The following ZNF676 variants were observed in gnomAD, a reference collection of about 807,000 sequenced individuals.
The protein encoded by ZNF676 is zinc finger protein 676.
Under a neutral mutation model 6.0 loss-of-function variants are expected in ZNF676, and 4 were observed. That is an observed-to-expected ratio of 0.67 (90% CI 0.33 to 1.53). The LOEUF is 1.53. Ranked by LOEUF, ZNF676 falls within the 40% of genes most tolerant of loss-of-function variation. The probability of loss-of-function intolerance (pLI) is 0.06; values close to 1 mark genes in which losing one functional copy is unlikely to be tolerated. For missense variants in ZNF676, 644 were observed against 679.7 expected (o/e 0.95, Z 0.58); for synonymous variants, 198 against 223.1 (o/e 0.89, Z 1.00).
the ZNF676 span, chr19:22,244,492 T>C: frequency 6.6e-6 from 1 of 152,220 alleles, no homozygotes; most frequent in Non-Finnish European, 1.5e-5. Context: ...CCAGGATATT[T>C]GTCACAATCC....
chr19:22,230,063 G>A, the ZNF676 span, among the ~76,000 whole-genome samples: 2 of 152,292 alleles, frequency 1.3e-5, no homozygotes, highest in Admixed American at 6.5e-5. Flanking sequence ...GTTTGTTGCA[G>A]CACTATTCAC....
At chr19:22,236,080 G>A in the ZNF676 span, among the ~76,000 whole-genome samples, 24 of 151,708 alleles carry the variant, frequency 1.6e-4, no homozygotes, top group South Asian at 1.5e-3. Context: ...CCACCTTTGC[G>A]TCTTTTTAGT....
chr19:22,203,599 A>ATT (rs111870802), intron 1 of ZNF676: 4 of 147,698 alleles, frequency 2.7e-5, no homozygotes, highest in Non-Finnish European at 4.5e-5. Flanking sequence ...TCTCAGCACA[A>ATT]TTTTTTTTTT....
chr19:22,206,894 C>T (rs968980361), intron 1 of ZNF676, among the ~76,000 whole-genome samples: 13 of 152,080 alleles, frequency 8.5e-5, no homozygotes, highest in African/African-American at 3.1e-4. Flanking sequence ...TAAAATTTAA[C>T]ATTTTTCATG....
In ZNF676 at chr19:22,179,732, G is replaced by A. The variant is rs886294083; in HGVS notation, c.*218C>T. 6 of 756,212 alleles carry A rather than the reference G, an allele frequency of 7.9e-6. No individual in the cohort carries two copies. The highest frequency in any genetic ancestry group is 1.7e-5 in the African/African-American group (1 of 57,556). The allele number at this position is 756,212 out of a possible 1,614,324, so 46.8% of individuals were successfully genotyped here. On this transcript the variant is annotated 3_prime_UTR_variant, in exon 3 of 3. Transcript: ENST00000397121. ...TTCTCTCCAGTATGAATTCTCTTATGTTCCACAAGGTTTGAGGACCGGTTG... is the reference window on the plus strand; with the variant it reads ...TTCTCTCCAGTATGAATTCTCTTATATTCCACAAGGTTTGAGGACCGGTTG...
At chr19:22,208,576 A>G (rs943652057) in intron 1 of ZNF676, among the ~76,000 whole-genome samples, 9 of 152,232 alleles carry the variant, frequency 5.9e-5, no homozygotes, top group African/African-American at 2.2e-4. Context: ...GCACAATCAC[A>G]TTCGTTGCAG....
the ZNF676 span, among the ~76,000 whole-genome samples, chr19:22,250,938 C>A: frequency 2.6e-4 from 40 of 152,258 alleles, no homozygotes; most frequent in East Asian, 6.8e-3. Flanking sequence ...TCTCAAACTT[C>A]TGACCTCAGG....
the ZNF676 span, among the ~76,000 whole-genome samples, chr19:22,259,284 A>G: frequency 6.6e-6 from 1 of 152,150 alleles, no homozygotes; most frequent in South Asian, 2.1e-4. Flanking sequence ...GGAAGAAGAG[A>G]AGAGTCACAT....
intron 1 of ZNF676, among the ~76,000 whole-genome samples, chr19:22,207,836 A>G (rs2024091052): frequency 6.6e-6 from 1 of 152,214 alleles, no homozygotes; most frequent in South Asian, 2.1e-4. Context: ...GACAACAGGA[A>G]TGTGGGAAGA....
chr19:22,187,220 G>C (rs747028324), intron 2 of ZNF676, among the ~76,000 whole-genome samples: 2 of 151,968 alleles, frequency 1.3e-5, no homozygotes, highest in Non-Finnish European at 2.9e-5. Flanking sequence ...AGAAACTCAC[G>C]CAAAACCGTA....
At chr19:22,215,466 GGCCCGCGCAGCC>G (rs2024174884) in intron 1 of ZNF676, among the ~76,000 whole-genome samples, 1 of 152,160 alleles carries the variant, frequency 6.6e-6, no homozygotes, top group African/African-American at 2.4e-5. Context: ...GACGCCCGGC[GGCCCGCGCAGCC>G]GCCATCTTAT....
the ZNF676 span, among the ~76,000 whole-genome samples, chr19:22,223,049 C>T: frequency 6.6e-6 from 1 of 152,048 alleles, no homozygotes; most frequent in Admixed American, 6.6e-5. Context: ...TGTATGGCTA[C>T]AAATGGGTGT....
intron 1 of ZNF676, among the ~76,000 whole-genome samples, chr19:22,209,458 C>A (rs1383077218): frequency 6.6e-6 from 1 of 151,546 alleles, no homozygotes; most frequent in Non-Finnish European, 1.5e-5. Context: ...TAAATAAGAA[C>A]ACATGAACAC....
Position 22,180,115 on chromosome 19 carries a change from T to G in ZNF676, c.1602A>C (p.Lys534Asn). The stretch of plus-strand genomic sequence containing the variant: ...TGAAGGCTTTGCCACATTCTTCACA[T>G]TTGTAGGGTTTCTCTCCAGTATGAA... ...KIIHTGEKPYKCEECGKAFSR... is the reference protein window; with the variant it reads ...KIIHTGEKPYNCEECGKAFSR... The change falls in exon 3 of 3, where the codon AAA becomes AAC. Residue 534 changes from lysine (K) to asparagine (N), a missense_variant. Transcript: ENST00000397121. 1.9e-6 allele frequency: 3 copies of G among 1,612,266 alleles called. No homozygotes were observed. The highest frequency in any genetic ancestry group is 2.5e-6 in the Non-Finnish European group (3 of 1,179,334).
chr19:22,232,211 A>G, the ZNF676 span, among the ~76,000 whole-genome samples: 1 of 151,614 alleles, frequency 6.6e-6, no homozygotes, highest in African/African-American at 2.4e-5. Context: ...CTCTGTCTCC[A>G]GGCTGGAGTG....
At chr19:22,227,746 A>G in the ZNF676 span, among the ~76,000 whole-genome samples, 1 of 152,228 alleles carries the variant, frequency 6.6e-6, no homozygotes, top group South Asian at 2.1e-4. Flanking sequence ...AATGTAAAAA[A>G]CTAGATAATC....
the ZNF676 span, among the ~76,000 whole-genome samples, chr19:22,231,211 A>AT: frequency 2.6e-5 from 4 of 152,108 alleles, no homozygotes; most frequent in East Asian, 7.7e-4. Flanking sequence ...GTATCACAAA[A>AT]AAAAATCTGT....
chr19:22,233,417 C>T, the ZNF676 span, among the ~76,000 whole-genome samples: 1 of 151,930 alleles, frequency 6.6e-6, no homozygotes, highest in African/African-American at 2.4e-5. Flanking sequence ...GATATTTGGA[C>T]ATTTTTTAAA....
chr19:22,223,509 G>T, the ZNF676 span, among the ~76,000 whole-genome samples: 2 of 149,444 alleles, frequency 1.3e-5, no homozygotes, highest in Non-Finnish European at 3.0e-5. Context: ...AAGAAAATAG[G>T]TCACCTTTTT....
Sources: allele counts gnomAD v4.1 joint callset (sites outside exome capture counted in the v4.1 genomes callset), GRCh38; gene constraint gnomAD v4.1.1; transcripts MANE v1.5; gene names NCBI Gene and HGNC (gene_info 2026-07-23, HGNC 2026-07-21).